Variants in VWA8 observed in about 807,000 individuals in gnomAD.
VWA8 encodes the protein von Willebrand factor A domain-containing protein 8.
In VWA8, 221 loss-of-function variants were observed where a neutral mutation model predicts 241.5. The ratio of observed to expected loss-of-function variants is 0.91; its 90% CI spans 0.82 to 1.02. The LOEUF (loss-of-function observed/expected upper bound fraction) is 1.02. Ranked by LOEUF, VWA8 falls within the 50% of genes least tolerant of loss-of-function variation. The probability of loss-of-function intolerance (pLI) is 0.00; values close to 1 mark genes in which losing one functional copy is unlikely to be tolerated. For synonymous variants in VWA8, 852 were observed against 827.1 expected (o/e 1.03, Z -0.52); for missense variants, 2,322 against 2,328.7 (o/e 1.00, Z 0.06).
At chr13:41,897,040 A>T (rs1237177591) in intron 4 of VWA8, among the ~76,000 whole-genome samples, 1 of 152,206 alleles carries the variant, frequency 6.6e-6, no homozygotes, top group Non-Finnish European at 1.5e-5. Context: ...GTAATTCAAT[A>T]TGATGGACTT....
intron 20 of VWA8, among the ~76,000 whole-genome samples, chr13:41,770,901 C>CAAAAAAAAAAA (rs71096541): frequency 3.0e-5 from 3 of 98,386 alleles, no homozygotes; most frequent in African/African-American, 4.1e-5. Flanking sequence ...CTTAAAATGA[C>CAAAAAAAAAAA]AAAAAAAAAA....
chr13:41,836,193 T>C (rs1487312695), intron 12 of VWA8, among the ~76,000 whole-genome samples: 2 of 151,932 alleles, frequency 1.3e-5, no homozygotes, highest in Non-Finnish European at 2.9e-5. Flanking sequence ...ATATACAAAA[T>C]GCACAACAAA....
chr13:41,713,206 A>G (rs2045329334), intron 26 of VWA8, among the ~76,000 whole-genome samples: 1 of 152,238 alleles, frequency 6.6e-6, no homozygotes, highest in South Asian at 2.1e-4. Context: ...TCATTTAAAT[A>G]AGAGGACAAA....
chr13:41,944,135 T>A (rs1030357280), intron 2 of VWA8, among the ~76,000 whole-genome samples: 34 of 138,686 alleles, frequency 2.5e-4, no homozygotes, highest in Admixed American at 1.5e-3. Flanking sequence ...ATAATAATAA[T>A]AAATAAATAA....
chr13:41,870,810 C>T (rs1873563897), intron 9 of VWA8, among the ~76,000 whole-genome samples: 1 of 152,036 alleles, frequency 6.6e-6, no homozygotes, highest in Non-Finnish European at 1.5e-5. Flanking sequence ...TGTCCTGAGC[C>T]ACTTGCTACA....
At chr13:41,681,773 T>C (rs972986590) in intron 35 of VWA8, among the ~76,000 whole-genome samples, 1 of 151,796 alleles carries the variant, frequency 6.6e-6, no homozygotes, top group Admixed American at 6.6e-5. Context: ...TATGAGAGAG[T>C]ATGACAAGGG....
chr13:41,918,659 G>T (rs1876371255), intron 2 of VWA8, among the ~76,000 whole-genome samples: 2 of 151,840 alleles, frequency 1.3e-5, no homozygotes, highest in Non-Finnish European at 2.9e-5. Context: ...TCATGCTTTA[G>T]AAAATATTTT....
chr13:41,649,304 AAAAT>A (rs1373619328), intron 37 of VWA8, among the ~76,000 whole-genome samples: 2 of 152,206 alleles, frequency 1.3e-5, no homozygotes, highest in African/African-American at 2.4e-5. Context: ...TCAGTTAGCT[AAAAT>A]AAATATTTAA....
intron 37 of VWA8, among the ~76,000 whole-genome samples, chr13:41,625,362 A>G (rs901410498): frequency 3.9e-5 from 6 of 152,302 alleles, no homozygotes; most frequent in African/African-American, 1.4e-4. Context: ...CAGAATCTAC[A>G]ATGAACTCAA....
chr13:41,675,608 C>T (rs1243383598), intron 35 of VWA8, among the ~76,000 whole-genome samples: 2 of 151,898 alleles, frequency 1.3e-5, no homozygotes, highest in Non-Finnish European at 2.9e-5. Flanking sequence ...ACTGTTTTTC[C>T]TTCTTAGGAA....
intron 37 of VWA8, among the ~76,000 whole-genome samples, chr13:41,630,701 G>C (rs2044720589): frequency 6.6e-6 from 1 of 151,792 alleles, no homozygotes; most frequent in African/African-American, 2.4e-5. Flanking sequence ...GTGAAAATGA[G>C]CAAAACTTTA....
chr13:41,949,754 G>A (rs961428923), intron 2 of VWA8, among the ~76,000 whole-genome samples, 182 bp downstream of exon 2: 14 of 152,128 alleles, frequency 9.2e-5, no homozygotes, highest in Non-Finnish European at 1.8e-4. Context: ...GTCTGGGATA[G>A]GTTTTAAATA....
intron 37 of VWA8, among the ~76,000 whole-genome samples, chr13:41,644,632 G>A (rs536568083): frequency 1.3e-4 from 20 of 152,212 alleles, no homozygotes; most frequent in Non-Finnish European, 2.4e-4. Context: ...GGCGGGGGAT[G>A]GCCTCCTGTG....
chr13:41,600,148 T>C lies in VWA8; in HGVS notation c.4986+5020A>G, dbSNP rs530284800. Among the ~76,000 whole-genome samples, 15 of 152,256 alleles carry C rather than the reference T, an allele frequency of 9.9e-5. No individual in the cohort carries two copies. In the South Asian group the frequency reaches 3.1e-3, roughly 32 times the overall value. ...TTGAGAGGCGTCCCAACAAAGTATA[T>C]TTAGCAAAAATTCTTCAAAGCTGTT... On this transcript the variant is annotated intron_variant, in intron 40 of 44. Coordinates refer to ENST00000379310, the MANE Select transcript of VWA8 (RefSeq NM_015058.2).
At position 41,582,115 on chromosome 13, in the gene VWA8, G is replaced by A. The variant is rs551079117; in HGVS notation, c.5271+5397C>T. Among the ~76,000 whole-genome samples, 61 of 152,216 alleles carry A rather than the reference G, an allele frequency of 4.0e-4. 1 individual carries two copies. In the South Asian group the frequency reaches 0.011, roughly 26 times the overall value. On this transcript the variant is annotated intron_variant, in intron 42 of 44. Transcript: ENST00000379310. ...GTGACCTACTGTGAATGCTATTCCC[G>A]GGAATAGCTGAATTCAGTTGGTGGA... is the stretch of plus-strand genomic sequence containing the variant.
chr13:41,807,174 G>A (rs1870251113), intron 17 of VWA8, among the ~76,000 whole-genome samples: 7 of 152,216 alleles, frequency 4.6e-5, no homozygotes, highest in Admixed American at 3.9e-4. Flanking sequence ...CCAATAACAA[G>A]TAACGAGATT....
intron 2 of VWA8, among the ~76,000 whole-genome samples, chr13:41,935,618 A>G (rs763022305): frequency 6.6e-6 from 1 of 152,090 alleles, no homozygotes; most frequent in Non-Finnish European, 1.5e-5. Context: ...AGAAAAATAT[A>G]TAAATGGTCT....
At chr13:41,724,520 G>C (rs1196144732) in intron 24 of VWA8, among the ~76,000 whole-genome samples, 1 of 152,108 alleles carries the variant, frequency 6.6e-6, no homozygotes, top group Non-Finnish European at 1.5e-5. Context: ...TCATCTGGAG[G>C]GACTCCCTCT....
At chr13:41,863,313 T>C (rs1157024388) in intron 12 of VWA8, among the ~76,000 whole-genome samples, 1 of 150,414 alleles carries the variant, frequency 6.6e-6, no homozygotes, top group Non-Finnish European at 1.5e-5. Flanking sequence ...AGACAGCCTA[T>C]TGTGGGACCT....
Sources: allele counts gnomAD v4.1 joint callset (sites outside exome capture counted in the v4.1 genomes callset), GRCh38; gene constraint gnomAD v4.1.1; transcripts MANE v1.5; gene names NCBI Gene and HGNC (gene_info 2026-07-23, HGNC 2026-07-21).